The following MAD1L1 variants were observed in gnomAD, a reference collection of about 807,000 sequenced individuals.
MAD1L1 encodes mitotic spindle assembly checkpoint protein MAD1.
In MAD1L1, 95 loss-of-function variants were observed where a neutral mutation model predicts 96.9. The observed-to-expected ratio is 0.98, with a 90% CI of 0.83 to 1.16. The LOEUF (loss-of-function observed/expected upper bound fraction) is 1.16. Among genes scored for constraint, MAD1L1 ranks in the 50% most tolerant of loss-of-function variants. MAD1L1 has a pLI of 0.00. For missense variants in MAD1L1, 1,007 were observed against 954.4 expected, an observed-to-expected ratio of 1.06 and a Z score of -0.73; for synonymous variants, 473 against 396.6, an observed-to-expected ratio of 1.19 and a Z score of -2.29.
At chr7:1,915,240 T>C (rs1788301757) in intron 17 of MAD1L1, among the ~76,000 whole-genome samples, 1 of 151,828 alleles carries the variant, frequency 6.6e-6, no homozygotes. Context: ...GGGAAACAGA[T>C]AAAAAATAAA....
chr7:2,064,592 T>A (rs1413298009), intron 12 of MAD1L1, among the ~76,000 whole-genome samples: 1 of 152,070 alleles, frequency 6.6e-6, no homozygotes, highest in Non-Finnish European at 1.5e-5. Context: ...CAGTGGCTTC[T>A]CCCGGGAATG....
At chr7:2,021,087 T>C (rs1782768885) in intron 12 of MAD1L1, among the ~76,000 whole-genome samples, 1 of 152,150 alleles carries the variant, frequency 6.6e-6, no homozygotes, top group Non-Finnish European at 1.5e-5. Flanking sequence ...AACAGTGGGA[T>C]GACCGTGAAG....
chr7:2,032,318 G>GC (rs1783264072), intron 12 of MAD1L1, among the ~76,000 whole-genome samples: 1 of 152,218 alleles, frequency 6.6e-6, no homozygotes, highest in African/African-American at 2.4e-5. Context: ...AGGGGAAGGC[G>GC]CGCGCCCCAG....
chr7:2,146,119 C>T lies in MAD1L1; in HGVS notation c.1073+3033G>A, dbSNP rs1362905003. Among the ~76,000 whole-genome samples, 1 of 152,234 alleles carries T rather than the reference C, an allele frequency of 6.6e-6. No individual in the cohort carries two copies. Among genetic ancestry groups the T allele is most frequent in the Non-Finnish European group, 1.5e-5 (1 of 68,044 alleles). On this transcript the variant is annotated intron_variant, in intron 11 of 18. Coordinates refer to ENST00000265854, the MANE Select transcript of MAD1L1 (RefSeq NM_001013836.2). This position sits in a 1 kb window ranked among gnomAD's most constrained non-coding sequence, Gnocchi z 6.2. ...CAACATTCATCTTCTAAAAGCCAAGCTCCTGAAAACAGGCACACGAATGAC... is the reference window on the plus strand; with the variant it reads ...CAACATTCATCTTCTAAAAGCCAAGTTCCTGAAAACAGGCACACGAATGAC...
chr7:1,979,921 G>T (rs1008737023), intron 15 of MAD1L1, among the ~76,000 whole-genome samples: 9 of 152,240 alleles, frequency 5.9e-5, no homozygotes, highest in African/African-American at 2.2e-4. Flanking sequence ...GACCCCTGCT[G>T]TCAGTGCTGG....
At chr7:2,198,815 G>C (rs1459279227) in intron 10 of MAD1L1, among the ~76,000 whole-genome samples, 1 of 152,226 alleles carries the variant, frequency 6.6e-6, no homozygotes, top group Non-Finnish European at 1.5e-5. Flanking sequence ...CAGGCCATCA[G>C]GCTGGGCAAG....
chr7:2,164,016 C>A (rs891547660), intron 10 of MAD1L1, among the ~76,000 whole-genome samples: 1 of 152,146 alleles, frequency 6.6e-6, no homozygotes, highest in Admixed American at 6.5e-5. Flanking sequence ...ATCTGTGACT[C>A]TGAGCTCTCC....
intron 10 of MAD1L1, among the ~76,000 whole-genome samples, chr7:2,208,969 G>A (rs1032720071): frequency 2.6e-5 from 4 of 152,138 alleles, no homozygotes; most frequent in Non-Finnish European, 5.9e-5. Flanking sequence ...GCACCCTAAG[G>A]ATGAGGGTGT....
chr7:1,886,773 G>C (rs1562490239), intron 18 of MAD1L1, among the ~76,000 whole-genome samples: 1 of 152,284 alleles, frequency 6.6e-6, no homozygotes, highest in Admixed American at 6.5e-5. Flanking sequence ...ACTGTGTGCA[G>C]ACAGGCAGAG....
Position 1,890,533 on chromosome 7 carries a change from T to C in MAD1L1, c.1998+7667A>G, listed in dbSNP as rs10250214. ...CTTTTGAACTTAGCAGCCACCAGAA[T>C]TGTGAGCCAAATACACTCCTTTTTC... On this transcript the variant is annotated intron_variant, in intron 18 of 18. Transcript: ENST00000265854. Among the ~76,000 whole-genome samples, 548 of 152,326 alleles carry C rather than the reference T, an allele frequency of 3.6e-3. 3 individuals carry two copies. Among genetic ancestry groups the C allele is most frequent in the African/African-American group, 0.013 (522 of 41,570 alleles).
chr7:2,052,172 G>C (rs1318619267), intron 12 of MAD1L1, among the ~76,000 whole-genome samples: 1 of 152,132 alleles, frequency 6.6e-6, no homozygotes, highest in South Asian at 2.1e-4. Flanking sequence ...GGGTGACCAC[G>C]GACAAGGGCA....
chr7:2,203,258 T>A (rs868197018), intron 10 of MAD1L1, among the ~76,000 whole-genome samples: 3 of 152,244 alleles, frequency 2.0e-5, no homozygotes, highest in South Asian at 4.1e-4. Flanking sequence ...TCCTATTTCA[T>A]AGGGTCCCCC....
In MAD1L1 at chr7:1,978,939, C is replaced by T. The variant is rs561753601; in HGVS notation, c.1505+1514G>A. Reference sequence around the variant, plus strand: ...AGACTCCGGCAGATCCCAGAGAGGGCGATGTGTAAGGCACAGCCCATGCAT... The same window carrying T: ...AGACTCCGGCAGATCCCAGAGAGGGTGATGTGTAAGGCACAGCCCATGCAT... On this transcript the variant is annotated intron_variant, in intron 15 of 18. Coordinates refer to ENST00000265854, the MANE Select transcript of MAD1L1 (RefSeq NM_001013836.2). Among the ~76,000 whole-genome samples, 7 of 152,288 alleles carry T rather than the reference C, an allele frequency of 4.6e-5. No individual in the cohort carries two copies. The South Asian group carries it at 8.3e-4, about 18-fold the overall frequency.
At chr7:1,868,051 TCCCC>T (rs1784863453) in intron 18 of MAD1L1, among the ~76,000 whole-genome samples, 1 of 151,912 alleles carries the variant, frequency 6.6e-6, no homozygotes, top group Non-Finnish European at 1.5e-5. Context: ...CAGCAGTAAT[TCCCC>T]TACTGACCTC....
At chr7:2,192,791 A>G (rs191888998) in intron 10 of MAD1L1, among the ~76,000 whole-genome samples, 1 of 152,308 alleles carries the variant, frequency 6.6e-6, no homozygotes, top group Non-Finnish European at 1.5e-5. Flanking sequence ...ATGGTGCTGA[A>G]AAGTATATGC....
chr7:2,048,825 C>T (rs9969125), intron 12 of MAD1L1, among the ~76,000 whole-genome samples: 21,778 of 152,270 alleles, frequency 0.14, 1,927 homozygotes, highest in Middle Eastern at 0.29. Context: ...CAAGCCACCA[C>T]TCCCACTTCC....
At position 2,135,736 on chromosome 7, in the gene MAD1L1, C is replaced by A. The variant is rs1584403641; in HGVS notation, c.1073+13416G>T. Among the ~76,000 whole-genome samples, 5 of 152,344 alleles carry A rather than the reference C, an allele frequency of 3.3e-5. 1 individual carries two copies. In the East Asian group the frequency reaches 9.7e-4, roughly 29 times the overall value. ...CTCACGGCCACATATGGGAGTCCTG[C>A]CTGCCACCTCTCATGGTGACGTGTG... On this transcript the variant is annotated intron_variant, in intron 11 of 18. Transcript: ENST00000265854.
Position 2,076,900 on chromosome 7 carries a change from G to A in MAD1L1, c.1074-7562C>T, listed in dbSNP as rs186866744. Among the ~76,000 whole-genome samples, 248 of 148,648 alleles carry A rather than the reference G, an allele frequency of 1.7e-3. 2 individuals carry two copies. The highest frequency in any genetic ancestry group is 4.3e-4 in the Non-Finnish European group (29 of 67,522). On this transcript the variant is annotated intron_variant, in intron 11 of 18. Coordinates refer to ENST00000265854, the MANE Select transcript of MAD1L1 (RefSeq NM_001013836.2). ...CACGGTGAGCCCAAGACAGGGTTAC[G>A]ACATAGTGAGCCCACAGCATGGTCA...
At chr7:1,990,030 G>C (rs1189091712) in intron 14 of MAD1L1, among the ~76,000 whole-genome samples, 1 of 152,256 alleles carries the variant, frequency 6.6e-6, no homozygotes, top group Non-Finnish European at 1.5e-5. Context: ...AACAAGAGGA[G>C]GAGCTGGGTA....
Sources: allele counts gnomAD v4.1 joint callset (sites outside exome capture counted in the v4.1 genomes callset), GRCh38; gene constraint gnomAD v4.1.1; non-coding constraint Gnocchi (gnomAD v3.1); transcripts MANE v1.5; gene names NCBI Gene and HGNC (gene_info 2026-07-23, HGNC 2026-07-21).